GRM3: variants seen among roughly 807,000 people sequenced by gnomAD.
The protein encoded by GRM3 is metabotropic glutamate receptor 3.
Under a neutral mutation model 70.5 loss-of-function variants are expected in GRM3, and 26 were observed. The ratio of observed to expected loss-of-function variants is 0.37; its 90% confidence interval spans 0.27 to 0.51. GRM3 has a LOEUF of 0.51. Among genes scored for constraint, GRM3 ranks in the 20% least tolerant of loss-of-function variants. The pLI is 0.93. For synonymous variants in GRM3, 443 were observed against 434.9 expected (o/e 1.02, Z -0.23); for missense variants, 859 against 1,123.8 (o/e 0.76, Z 3.37).
At chr7:86,710,665 A>C (rs1795176673) in intron 1 of GRM3, among the ~76,000 whole-genome samples, 1 of 151,698 alleles carries the variant, frequency 6.6e-6, no homozygotes, top group Admixed American at 6.6e-5. Context: ...TCCTAAATTT[A>C]CAGTGGAATG....
chr7:86,843,215 G>A (rs1413059293), intron 4 of GRM3, among the ~76,000 whole-genome samples: 1 of 152,116 alleles, frequency 6.6e-6, no homozygotes, highest in Non-Finnish European at 1.5e-5. Flanking sequence ...TCTTCATTTT[G>A]ATAAAATTTG....
intron 1 of GRM3, among the ~76,000 whole-genome samples, chr7:86,646,717 C>T (rs1199208123): frequency 6.6e-6 from 1 of 152,174 alleles, no homozygotes; most frequent in East Asian, 1.9e-4. Flanking sequence ...ATAGGCCACA[C>T]TTTGGAGCTT....
At chr7:86,776,296 C>A (rs768025195) in intron 2 of GRM3, among the ~76,000 whole-genome samples, 1 of 152,144 alleles carries the variant, frequency 6.6e-6, no homozygotes, top group Non-Finnish European at 1.5e-5. Context: ...AGCCGAAGGT[C>A]ACACAGCTAG....
At chr7:86,735,364 A>T (rs1485532900) in intron 1 of GRM3, among the ~76,000 whole-genome samples, 2 of 152,232 alleles carry the variant, frequency 1.3e-5, no homozygotes, top group South Asian at 2.1e-4. Context: ...CAGACAAAAA[A>T]AAATCCCACT....
intron 5 of GRM3, among the ~76,000 whole-genome samples, chr7:86,860,353 T>C (rs1260803771): frequency 6.6e-6 from 1 of 152,102 alleles, no homozygotes; most frequent in Admixed American, 6.6e-5. Context: ...GTAATTGAGA[T>C]AATAAGCTCA....
intron 3 of GRM3, among the ~76,000 whole-genome samples, chr7:86,813,088 T>C (rs2299222): frequency 0.024 from 3,678 of 151,870 alleles, 74 homozygotes; most frequent in East Asian, 0.062. Context: ...AGTTCCAATA[T>C]TGTTTTTAAT....
At chr7:86,718,170 A>C (rs1795366782) in intron 1 of GRM3, among the ~76,000 whole-genome samples, 1 of 151,818 alleles carries the variant, frequency 6.6e-6, no homozygotes. Flanking sequence ...CCATTTACAT[A>C]CTTCAGCTTG....
At chr7:86,808,125 T>G (rs1797834126) in intron 3 of GRM3, among the ~76,000 whole-genome samples, 1 of 152,168 alleles carries the variant, frequency 6.6e-6, no homozygotes, top group African/African-American at 2.4e-5. Flanking sequence ...AGCTTTTTGA[T>G]GTGCTGCTGG....
intron 5 of GRM3, among the ~76,000 whole-genome samples, chr7:86,863,796 T>A (rs1584286308): frequency 6.6e-6 from 1 of 152,088 alleles, no homozygotes; most frequent in South Asian, 2.1e-4. Context: ...TTTAAACCAG[T>A]TTATAGATTA....
At position 86,839,011 on chromosome 7, in the gene GRM3, G is replaced by T; in HGVS notation, c.1497G>T (p.Trp499Cys). The T allele has an allele frequency of 6.2e-7, 1 of 1,614,066 alleles. No individual in the cohort carries two copies. The highest frequency in any genetic ancestry group is 8.5e-7 in the Non-Finnish European group (1 of 1,179,990). Residue 499 changes from tryptophan to cysteine, a missense_variant, in exon 4 of 6, where the codon TGG becomes TGT. Physicochemically the swap from Trp to Cys is radical, Grantham distance 215. Transcript: ENST00000361669. This position sits in a 1 kb window ranked among gnomAD's most constrained non-coding sequence, Gnocchi z 4.5. The stretch of plus-strand genomic sequence containing the variant: ...CGCTAGATGTCAACTCTATCCACTG[G>T]TCCCGGAACTCAGTCCCCACTTCCC... ...TLSLDVNSIH[W>C]SRNSVPTSQC...
At chr7:86,796,615 G>T (rs755399554) in intron 3 of GRM3, among the ~76,000 whole-genome samples, 1 of 152,140 alleles carries the variant, frequency 6.6e-6, no homozygotes, top group Non-Finnish European at 1.5e-5. Context: ...TGGTAATTTA[G>T]TGGGAAAAGC....
intron 1 of GRM3, among the ~76,000 whole-genome samples, chr7:86,645,482 C>A (rs1245537488): frequency 6.6e-6 from 1 of 152,188 alleles, no homozygotes; most frequent in African/African-American, 2.4e-5. Flanking sequence ...CATATCTTTT[C>A]ATCGACCCTG....
chr7:86,688,595 T>C (rs1794620388), intron 1 of GRM3, among the ~76,000 whole-genome samples: 1 of 151,236 alleles, frequency 6.6e-6, no homozygotes, highest in African/African-American at 2.4e-5. Context: ...AAGAAAAGGA[T>C]ACAGAAGTTT....
At chr7:86,647,565 G>A (rs1237683399) in intron 1 of GRM3, among the ~76,000 whole-genome samples, 3 of 152,134 alleles carry the variant, frequency 2.0e-5, no homozygotes, top group Non-Finnish European at 4.4e-5. Flanking sequence ...AAAGGAGTAC[G>A]TGTTTACTCA....
intron 1 of GRM3, among the ~76,000 whole-genome samples, chr7:86,710,644 T>C (rs1795176348): frequency 6.6e-6 from 1 of 151,102 alleles, no homozygotes; most frequent in African/African-American, 2.4e-5. Flanking sequence ...GGGAAAATAG[T>C]TTTAAAAACA....
intron 4 of GRM3, among the ~76,000 whole-genome samples, 185 bp from the exon 5 acceptor site, chr7:86,850,185 A>T (rs1290202482): frequency 1.3e-5 from 2 of 152,180 alleles, no homozygotes; most frequent in African/African-American, 4.8e-5. Context: ...AATCCTAAGC[A>T]ATATTTCCAA....
intron 2 of GRM3, among the ~76,000 whole-genome samples, chr7:86,776,928 C>A (rs1176669332): frequency 6.6e-6 from 1 of 152,146 alleles, no homozygotes; most frequent in Non-Finnish European, 1.5e-5. Flanking sequence ...TCTGTGATTT[C>A]TCCTGAAAAC....
intron 1 of GRM3, among the ~76,000 whole-genome samples, chr7:86,733,592 G>A (rs1368657682): frequency 6.6e-6 from 1 of 152,202 alleles, no homozygotes; most frequent in African/African-American, 2.4e-5. Flanking sequence ...TCTTCAAGGA[G>A]TAGGAAGACT....
At chr7:86,728,149 C>T (rs1795635657) in intron 1 of GRM3, among the ~76,000 whole-genome samples, 1 of 152,100 alleles carries the variant, frequency 6.6e-6, no homozygotes. Flanking sequence ...ATACAAGGCC[C>T]AGCTCCATGC....
Sources: gnomAD v4.1 joint callset for allele counts (sites outside exome capture counted in the v4.1 genomes callset) on GRCh38, gnomAD v4.1.1 for gene constraint, Gnocchi (gnomAD v3.1) non-coding constraint, MANE v1.5 for transcripts, NCBI Gene and HGNC (gene_info 2026-07-23, HGNC 2026-07-21) for gene names.